SLC26A7: variants seen among roughly 807,000 people sequenced by gnomAD.
SLC26A7 encodes solute carrier family 26 member 7.
SLC26A7 carries 59 observed loss-of-function variants against 82.5 expected under a neutral mutation model. The observed-to-expected ratio is 0.72, with a 90% CI of 0.58 to 0.89. The LOEUF (loss-of-function observed/expected upper bound fraction) is 0.89, where lower values mean the gene tolerates loss of function less well. SLC26A7 is among the 40% of genes least tolerant of loss of function. The pLI, the probability that SLC26A7 is intolerant of heterozygous loss-of-function variation, is 0.00. For missense variants in SLC26A7, 820 were observed against 793.0 expected (o/e 1.03, Z -0.41); for synonymous variants, 271 against 274.3 (o/e 0.99, Z 0.12).
At chr8:91,282,057 C>T (rs1811588518) in intron 2 of SLC26A7, among the ~76,000 whole-genome samples, 1 of 152,084 alleles carries the variant, frequency 6.6e-6, no homozygotes, top group Admixed American at 6.5e-5. Flanking sequence ...TTCAGGTGTA[C>T]TCACTGTTAG....
At chr8:91,359,270 T>G (rs1341414777) in intron 11 of SLC26A7, among the ~76,000 whole-genome samples, 4 of 152,096 alleles carry the variant, frequency 2.6e-5, no homozygotes, top group African/African-American at 9.7e-5. Context: ...TTTATAGAAC[T>G]TGTGAAATGA....
At chr8:91,309,541 A>T (rs1812419673) in intron 4 of SLC26A7, among the ~76,000 whole-genome samples, 1 of 152,050 alleles carries the variant, frequency 6.6e-6, no homozygotes, top group Admixed American at 6.6e-5. Context: ...ATTCCAGTAT[A>T]TTTGCCAGCA....
At chr8:91,271,796 G>A (rs11990548) in intron 2 of SLC26A7, among the ~76,000 whole-genome samples, 150 of 152,024 alleles carry the variant, frequency 9.9e-4, no homozygotes, top group African/African-American at 3.3e-3. Flanking sequence ...GGGTTTCACC[G>A]TATTAGCCAG....
intron 1 of SLC26A7, among the ~76,000 whole-genome samples, chr8:91,218,260 T>C (rs1187717341): frequency 2.0e-5 from 3 of 152,204 alleles, no homozygotes; most frequent in South Asian, 4.1e-4. Context: ...AACATAGAAA[T>C]GGTAAGCTTT....
chr8:91,382,617 A>T (rs1185074663), intron 15 of SLC26A7, among the ~76,000 whole-genome samples: 1 of 152,210 alleles, frequency 6.6e-6, no homozygotes, highest in Non-Finnish European at 1.5e-5. Flanking sequence ...CTTCACCTAT[A>T]AAGTGGAATT....
chr8:91,360,816 G>A (rs1419118567), intron 11 of SLC26A7, among the ~76,000 whole-genome samples: 1 of 152,064 alleles, frequency 6.6e-6, no homozygotes, highest in Non-Finnish European at 1.5e-5. Flanking sequence ...GATTCAGTTA[G>A]GATTTGAAAA....
At chr8:91,379,776 G>A (rs1484063463) in intron 15 of SLC26A7, among the ~76,000 whole-genome samples, 1 of 151,870 alleles carries the variant, frequency 6.6e-6, no homozygotes, top group Admixed American at 6.6e-5. Context: ...AAAGCATTAA[G>A]CATAAAGAAA....
intron 15 of SLC26A7, among the ~76,000 whole-genome samples, chr8:91,378,278 T>C (rs1178468414): frequency 6.6e-6 from 1 of 150,826 alleles, no homozygotes; most frequent in Non-Finnish European, 1.5e-5. Flanking sequence ...TAAGGTCATA[T>C]GGTATATAAT....
intron 15 of SLC26A7, among the ~76,000 whole-genome samples, chr8:91,374,068 G>A (rs1814439817): frequency 6.6e-6 from 1 of 151,816 alleles, no homozygotes; most frequent in Non-Finnish European, 1.5e-5. Flanking sequence ...TATCAGTTGT[G>A]ATGTCACCTT....
Position 91,393,833 on chromosome 8 carries a change from T to C in SLC26A7, c.1813T>C (p.Leu605=), listed in dbSNP as rs1808475588. The C allele has an allele frequency of 1.2e-6, 2 of 1,613,716 alleles. No homozygotes were observed. The highest frequency in any genetic ancestry group is 1.6e-4 in the Middle Eastern group (1 of 6,062). The change falls in exon 17 of 19, where the codon TTG becomes CTG. Residue 605 remains leucine (L), a synonymous_variant. Transcript: ENST00000276609. ...MDCKGRSVDV[L]LAHCTASLIK... is the part of the protein sequence containing the mutation. ...CTGTAAAGGCAGGAGTGTGGATGTA[T>C]TGTTAGCCCATTGTACAGGTAAGAG...
upstream of SLC26A7, among the ~76,000 whole-genome samples, chr8:91,246,648 G>A (rs1041865120): frequency 2.0e-5 from 3 of 151,912 alleles, no homozygotes; most frequent in Non-Finnish European, 4.4e-5. Context: ...TGCAGTGGGT[G>A]GAGATTGTGC....
intron 2 of SLC26A7, among the ~76,000 whole-genome samples, chr8:91,269,593 T>C (rs1811210467): frequency 1.3e-5 from 2 of 152,198 alleles, no homozygotes; most frequent in South Asian, 4.1e-4. Context: ...ATAATTCGCC[T>C]TGGGAATTTT....
At position 91,318,364 on chromosome 8, in the gene SLC26A7, C is replaced by A. The variant is rs745527909; in HGVS notation, c.626C>A (p.Pro209Gln). ...LGMKMPYISG[P>Q]LGFFYIYAYV... ...ATGAAAATGCCATATATATCCGGACCACTTGGATTCTTTTATGTGAGTTTT... is the reference window on the plus strand; with the variant it reads ...ATGAAAATGCCATATATATCCGGACAACTTGGATTCTTTTATGTGAGTTTT... Residue 209 changes from proline (P) to glutamine (Q), a missense_variant, in exon 5 of 19, where the codon CCA (proline) becomes CAA (glutamine). Coordinates refer to ENST00000276609, the MANE Select transcript of SLC26A7 (RefSeq NM_052832.4). The A allele has an allele frequency of 1.9e-6, 3 of 1,604,390 alleles. No homozygotes were observed. The highest frequency in any genetic ancestry group is 1.7e-4 in the Middle Eastern group (1 of 6,020).
intron 1 of SLC26A7, among the ~76,000 whole-genome samples, chr8:91,217,159 G>A (rs991050471): frequency 1.3e-5 from 2 of 152,082 alleles, no homozygotes; most frequent in African/African-American, 4.8e-5. Context: ...ATTCTTAGAG[G>A]CAGGGATTGT....
chr8:91,236,577 A>AAC (rs71266171), intron 2 of SLC26A7, among the ~76,000 whole-genome samples: 19 of 149,208 alleles, frequency 1.3e-4, no homozygotes, highest in African/African-American at 3.7e-4. Context: ...TAAAAAAAAA[A>AAC]CTCACAAATT....
intron 2 of SLC26A7, among the ~76,000 whole-genome samples, chr8:91,280,886 T>C (rs1811553686): frequency 6.6e-6 from 1 of 152,230 alleles, no homozygotes; most frequent in Non-Finnish European, 1.5e-5. Flanking sequence ...AACACCTGTT[T>C]ATATATGATG....
In SLC26A7 at chr8:91,394,000, A is replaced by T. The variant is rs746000830; in HGVS notation, c.1896A>T (p.Glu632Asp). 1.1e-5 allele frequency: 18 copies of T among 1,613,550 alleles called. No homozygotes were observed. The highest frequency in any genetic ancestry group is 1.5e-5 in the Non-Finnish European group (18 of 1,179,648). The change falls in exon 18 of 19, where the codon GAA becomes GAT. Residue 632 changes from glutamate (E) to aspartate (D), a missense_variant. Physicochemically the swap from Glu to Asp is conservative, Grantham distance 45. Transcript: ENST00000276609. ...ACTCAGAGAAACCAATTTTTTTTGAATCGGTATCTGCTGCAATAAGTCATA... is the reference window on the plus strand; with the variant it reads ...ACTCAGAGAAACCAATTTTTTTTGATTCGGTATCTGCTGCAATAAGTCATA... ...NLDSEKPIFF[E>D]SVSAAISHIH...
chr8:91,375,692 G>A (rs1207469635), intron 15 of SLC26A7, among the ~76,000 whole-genome samples: 3 of 150,130 alleles, frequency 2.0e-5, no homozygotes, highest in African/African-American at 2.5e-5. Flanking sequence ...TTGGCCTTGG[G>A]TAGTCTGATG....
At chr8:91,298,964 G>T (rs1339132785) in intron 4 of SLC26A7, among the ~76,000 whole-genome samples, 1 of 152,186 alleles carries the variant, frequency 6.6e-6, no homozygotes, top group Non-Finnish European at 1.5e-5. Flanking sequence ...GTATGAGAGT[G>T]CCTCAGCCTT....
Sources: allele counts gnomAD v4.1 joint callset (sites outside exome capture counted in the v4.1 genomes callset), GRCh38; gene constraint gnomAD v4.1.1; transcripts MANE v1.5; gene names NCBI Gene and HGNC (gene_info 2026-07-23, HGNC 2026-07-21).